ADCY5: variants seen among roughly 807,000 people sequenced by gnomAD.
ADCY5 encodes the protein adenylate cyclase 5.
Under a neutral mutation model 119.7 loss-of-function variants are expected in ADCY5, and 30 were observed. The observed-to-expected ratio is 0.25, with a 90% CI of 0.19 to 0.34. The LOEUF (loss-of-function observed/expected upper bound fraction) is 0.34, where lower values mean the gene tolerates loss of function less well. Among genes scored for constraint, ADCY5 ranks in the 10% least tolerant of loss-of-function variants. The probability of loss-of-function intolerance (pLI) is 1.00; values close to 1 mark genes in which losing one functional copy is unlikely to be tolerated. For missense variants in ADCY5, 1,324 were observed against 1,775.2 expected (o/e 0.75, Z 4.57); for synonymous variants, 753 against 762.2 (o/e 0.99, Z 0.20).
intron 3 of ADCY5, among the ~76,000 whole-genome samples, chr3:123,342,837 TG>T (rs1347601519): frequency 6.6e-6 from 1 of 152,206 alleles, no homozygotes; most frequent in African/African-American, 2.4e-5. Context: ...GGGCGTTCTC[TG>T]GCCCCTGAAA....
In ADCY5 at chr3:123,430,354, C is replaced by A. The variant is rs188504177; in HGVS notation, c.1134+17058G>T. Among the ~76,000 whole-genome samples the A allele has an allele frequency of 2.4e-3, 362 of 152,296 alleles. 1 individual carries two copies. The highest frequency in any genetic ancestry group is 3.7e-3 in the Non-Finnish European group (249 of 68,028). Reference sequence around the variant, plus strand: ...CATCCTCCGATGTGGCTCCCCACCACCCCACAAGCTTGCCTGGCTCCCGGA... The same window carrying A: ...CATCCTCCGATGTGGCTCCCCACCAACCCACAAGCTTGCCTGGCTCCCGGA... On this transcript the variant is annotated intron_variant, in intron 1 of 20. Coordinates refer to ENST00000462833, the MANE Select transcript of ADCY5 (RefSeq NM_183357.3).
intron 9 of ADCY5, 31 bp downstream of exon 9, chr3:123,320,718 G>A (rs955697692): frequency 3.7e-6 from 6 of 1,611,938 alleles, no homozygotes; most frequent in African/African-American, 2.7e-5. Flanking sequence ...CAGACCCAGG[G>A]AGCAGGAATA....
intron 1 of ADCY5, among the ~76,000 whole-genome samples, chr3:123,425,037 C>T (rs1485794534): frequency 1.3e-5 from 2 of 152,262 alleles, no homozygotes; most frequent in African/African-American, 4.8e-5. Flanking sequence ...CCTCCCCAGG[C>T]ATCCTGAGTG....
At chr3:123,312,985 AG>A (rs1940667403) in intron 12 of ADCY5, among the ~76,000 whole-genome samples, 2 of 152,212 alleles carry the variant, frequency 1.3e-5, no homozygotes, top group Admixed American at 6.5e-5. Flanking sequence ...TGTGGCCTTG[AG>A]GAAGGAGGGT....
At position 123,286,622 on chromosome 3, in the gene ADCY5, C is replaced by A; in HGVS notation, c.3657+63G>T. Reference sequence around the variant, plus strand: ...AACTGTAGGTGGCCTGCCCTGAAGACCTCTCGGTGTCAGACACAGGACCTC... The same window carrying A: ...AACTGTAGGTGGCCTGCCCTGAAGAACTCTCGGTGTCAGACACAGGACCTC... On this transcript the variant is annotated intron_variant, in intron 20 of 20. Transcript: ENST00000462833. This position sits in a 1 kb window ranked among gnomAD's most constrained non-coding sequence, Gnocchi z 4.2. The A allele has an allele frequency of 6.6e-7, 1 of 1,523,694 alleles. No homozygotes were observed. The highest frequency in any genetic ancestry group is 2.2e-5 in the Admixed American group (1 of 45,540). The allele number at this position is 1,523,694 out of a possible 1,614,324, so 94.4% of individuals were successfully genotyped here.
chr3:123,399,641 T>G lies in ADCY5; in HGVS notation c.1135-47060A>C, dbSNP rs1944701222. On this transcript the variant is annotated intron_variant, in intron 1 of 20. Coordinates refer to ENST00000462833, the MANE Select transcript of ADCY5 (RefSeq NM_183357.3). ...CAGCATCACTTTTCTCAGTTTAGTT[T>G]TCTTTAACCTTGATGTCTGCTTCTT... is the stretch of plus-strand genomic sequence containing the variant. 1.3e-5 allele frequency among the ~76,000 whole-genome samples: 2 copies of G among 152,232 alleles called. 1 individual carries two copies. The highest frequency in any genetic ancestry group is 4.1e-4 in the South Asian group (2 of 4,830).
intron 19 of ADCY5, 118 bp downstream of exon 19, chr3:123,289,632 C>T (rs1576523151): frequency 2.0e-5 from 24 of 1,229,462 alleles, no homozygotes; most frequent in Admixed American, 1.1e-4. Context: ...CCTCTGCTGC[C>T]GCCTGGCCTT....
At position 123,389,476 on chromosome 3, in the gene ADCY5, G is replaced by A. The variant is rs1944337445; in HGVS notation, c.1135-36895C>T. Among the ~76,000 whole-genome samples, 4 of 149,874 alleles carry A rather than the reference G, an allele frequency of 2.7e-5. No individual in the cohort carries two copies. In the South Asian group the frequency reaches 8.7e-4, roughly 33 times the overall value. ...TTCCCAATACCAGTAGGGTCCATTT[G>A]TACAGGGAGAGTTTTCGCAAAAGAG... On this transcript the variant is annotated intron_variant, in intron 1 of 20. Coordinates refer to ENST00000462833, the MANE Select transcript of ADCY5 (RefSeq NM_183357.3).
chr3:123,315,635 G>A (rs944061759), intron 11 of ADCY5, among the ~76,000 whole-genome samples: 12 of 152,172 alleles, frequency 7.9e-5, no homozygotes, highest in African/African-American at 2.7e-4. Flanking sequence ...GAGGGCAGTG[G>A]TGTGATCTCG....
At chr3:123,372,018 G>A (rs1306231208) in intron 1 of ADCY5, among the ~76,000 whole-genome samples, 4 of 152,182 alleles carry the variant, frequency 2.6e-5, no homozygotes, top group Admixed American at 6.5e-5. Context: ...GGGCCATTAT[G>A]CAGAACCTTT....
chr3:123,392,781 G>A (rs1944432947), intron 1 of ADCY5, among the ~76,000 whole-genome samples: 2 of 151,602 alleles, frequency 1.3e-5, no homozygotes, highest in East Asian at 3.9e-4. Context: ...TCCCTCTCTT[G>A]CACGCTATAC....
intron 18 of ADCY5, among the ~76,000 whole-genome samples, 166 bp downstream of exon 18, chr3:123,290,947 T>TTGCAG (rs1413886895): frequency 6.6e-6 from 1 of 152,162 alleles, no homozygotes; most frequent in African/African-American, 2.4e-5. Flanking sequence ...AAGGTGCCCA[T>TTGCAG]TGCAGCACCT....
At position 123,286,670 on chromosome 3, in the gene ADCY5, T is replaced by A. The variant is rs1207368174; in HGVS notation, c.3657+15A>T. ...CTCCCATGGGGTGAGGGGTGGTGGATGCTCCTGCACTCACCTGGATGCGGT... is the reference window on the plus strand; with the variant it reads ...CTCCCATGGGGTGAGGGGTGGTGGAAGCTCCTGCACTCACCTGGATGCGGT... On this transcript the variant is annotated intron_variant, in intron 20 of 20. Transcript: ENST00000462833. The surrounding 1 kb of genome is among the most constrained non-coding windows in gnomAD (Gnocchi z 4.2). 6.3e-7 allele frequency: 1 copy of A among 1,595,372 alleles called. No individual in the cohort carries two copies. Among genetic ancestry groups the A allele is most frequent in the Non-Finnish European group, 8.5e-7 (1 of 1,172,122 alleles).
At chr3:123,369,283 C>T (rs765874368) in intron 1 of ADCY5, among the ~76,000 whole-genome samples, 1 of 152,232 alleles carries the variant, frequency 6.6e-6, no homozygotes, top group Non-Finnish European at 1.5e-5. Context: ...TGCTCTTGGA[C>T]TTCCCAGTCT....
chr3:123,395,448 T>C (rs536398280), intron 1 of ADCY5, among the ~76,000 whole-genome samples: 6 of 152,312 alleles, frequency 3.9e-5, no homozygotes, highest in South Asian at 4.1e-4. Context: ...CCATACTGAG[T>C]GGATGGCGCT....
intron 2 of ADCY5, among the ~76,000 whole-genome samples, chr3:123,350,231 C>G (rs184792749): frequency 6.6e-6 from 1 of 152,246 alleles, no homozygotes; most frequent in African/African-American, 2.4e-5. Context: ...AACGCCACAT[C>G]AGTGGCCTGT....
intron 5 of ADCY5, among the ~76,000 whole-genome samples, chr3:123,329,788 A>G (rs1165946647): frequency 6.6e-6 from 1 of 152,150 alleles, no homozygotes; most frequent in Non-Finnish European, 1.5e-5. Context: ...GACTGAGGTC[A>G]CCCATCATTT....
At chr3:123,322,436 C>T (rs535598751) in intron 8 of ADCY5, among the ~76,000 whole-genome samples, 53 of 152,348 alleles carry the variant, frequency 3.5e-4, no homozygotes, top group African/African-American at 1.2e-3. Context: ...ATCCTAACCA[C>T]ACTGCTTGCC....
intron 12 of ADCY5, among the ~76,000 whole-genome samples, chr3:123,306,718 T>G (rs939067715): frequency 1.3e-5 from 2 of 152,222 alleles, no homozygotes; most frequent in Non-Finnish European, 2.9e-5. Flanking sequence ...AATTATCATA[T>G]GATCCAGTAA....
Sources: allele counts gnomAD v4.1 joint callset (sites outside exome capture counted in the v4.1 genomes callset), GRCh38; gene constraint gnomAD v4.1.1; non-coding constraint Gnocchi (gnomAD v3.1); transcripts MANE v1.5; gene names NCBI Gene and HGNC (gene_info 2026-07-23, HGNC 2026-07-21).